The following ERG variants were observed in gnomAD, a reference collection of about 807,000 sequenced individuals.
ERG encodes transcriptional regulator ERG.
A neutral mutation model predicts 55.3 loss-of-function variants in ERG; 9 were observed. That is an observed-to-expected ratio of 0.16 (90% CI 0.10 to 0.28). The LOEUF (loss-of-function observed/expected upper bound fraction) is 0.28. ERG is among the 10% of genes least tolerant of loss of function. The pLI, the probability that ERG is intolerant of heterozygous loss-of-function variation, is 1.00. For synonymous variants in ERG, 223 were observed against 237.3 expected, an observed-to-expected ratio of 0.94 and a Z score of 0.55; for missense variants, 434 against 631.6, an observed-to-expected ratio of 0.69 and a Z score of 3.35.
chr21:38,580,744 C>A (rs918217831), intron 1 of ERG, among the ~76,000 whole-genome samples: 1 of 152,126 alleles, frequency 6.6e-6, no homozygotes, highest in Non-Finnish European at 1.5e-5. Context: ...ATTTGAATTA[C>A]GTAAGCTCTA....
intron 1 of ERG, among the ~76,000 whole-genome samples, chr21:38,581,436 T>C (rs1179762330): frequency 6.6e-6 from 1 of 152,218 alleles, no homozygotes; most frequent in Non-Finnish European, 1.5e-5. Flanking sequence ...CCTAAAACTC[T>C]GGGAATTTCC....
intron 1 of ERG, among the ~76,000 whole-genome samples, chr21:38,635,634 T>A (rs138395047): frequency 1.8e-3 from 281 of 152,318 alleles, no homozygotes; most frequent in African/African-American, 5.2e-3. Flanking sequence ...GGATTCAATG[T>A]GATATTTTTA....
At chr21:38,457,170 C>T (rs1484135228) in intron 1 of ERG, among the ~76,000 whole-genome samples, 1 of 152,212 alleles carries the variant, frequency 6.6e-6, no homozygotes, top group Non-Finnish European at 1.5e-5. Flanking sequence ...GGCGGGGTGG[C>T]TCACACCTGT....
intron 4 of ERG, 50 bp from the exon 5 acceptor site, chr21:38,402,687 G>T: frequency 1.5e-6 from 1 of 663,520 alleles, no homozygotes; most frequent in Non-Finnish European, 2.2e-6. Flanking sequence ...AAAAGAGAGA[G>T]AGAGAAAGAG....
At chr21:38,621,745 C>A (rs756247623) in intron 1 of ERG, among the ~76,000 whole-genome samples, 1 of 152,172 alleles carries the variant, frequency 6.6e-6, no homozygotes, top group Non-Finnish European at 1.5e-5. Flanking sequence ...GGCCACCAAG[C>A]CTAAGAGAGT....
intron 2 of ERG, among the ~76,000 whole-genome samples, chr21:38,444,546 CA>C (rs1307136013): frequency 6.6e-6 from 1 of 152,084 alleles, no homozygotes; most frequent in Non-Finnish European, 1.5e-5. Flanking sequence ...GGTATTAGAT[CA>C]TAATTGAAAT....
chr21:38,454,535 A>C (rs191772904), intron 1 of ERG, among the ~76,000 whole-genome samples: 333 of 152,248 alleles, frequency 2.2e-3, no homozygotes, highest in African/African-American at 7.7e-3. Context: ...AATTTCTTCA[A>C]CTATAAAGGT....
chr21:38,385,567 A>C (rs568370898), intron 9 of ERG, among the ~76,000 whole-genome samples: 196 of 152,358 alleles, frequency 1.3e-3, no homozygotes, highest in African/African-American at 4.6e-3. Context: ...TATCCATACA[A>C]TAGCACTGTG....
At chr21:38,615,322 C>A (rs1397537585) in intron 1 of ERG, among the ~76,000 whole-genome samples, 1 of 152,152 alleles carries the variant, frequency 6.6e-6, no homozygotes, top group African/African-American at 2.4e-5. Context: ...GCGGAATTAC[C>A]TCACTGAATA....
intron 1 of ERG, chr21:38,471,783 A>G (rs1351743787): frequency 3.3e-5 from 5 of 152,214 alleles, no homozygotes; most frequent in Non-Finnish European, 7.3e-5. Flanking sequence ...AGTCACATCT[A>G]TTTGTTAATA....
At position 38,577,866 on chromosome 21, in the gene ERG, T is replaced by G. The variant is rs148289301; in HGVS notation, c.-126-2119A>C. Among the ~76,000 whole-genome samples, 69 of 152,294 alleles carry G rather than the reference T, an allele frequency of 4.5e-4. No individual in the cohort carries two copies. In the East Asian group the frequency reaches 0.012, roughly 26 times the overall value. ...CCTGCCTGCACACACATGCTGACGCTCACACCAGGGACTGAAGCTCGTCCC... is the reference window on the plus strand; with the variant it reads ...CCTGCCTGCACACACATGCTGACGCGCACACCAGGGACTGAAGCTCGTCCC... On this transcript the variant is annotated intron_variant, in intron 1 of 8. Coordinates refer to the ERG transcript ENST00000398897.
In ERG at chr21:38,653,484, C is replaced by T. The variant is rs73446336; in HGVS notation, c.-150+8174G>A. On this transcript the variant is annotated intron_variant, in intron 1 of 10. Coordinates refer to the ERG transcript ENST00000398910. ...TCCACTTGTCCTGTATTAATTTCCA[C>T]CTGTAGGTATTTATCCTAAGGACAC... 5.4e-3 allele frequency among the ~76,000 whole-genome samples: 817 copies of T among 152,276 alleles called. 13 individuals carry two copies. Among genetic ancestry groups the T allele is most frequent in the African/African-American group, 0.018 (736 of 41,542 alleles).
chr21:38,478,239 CT>C (rs1569130598), intron 1 of ERG, among the ~76,000 whole-genome samples: 2 of 152,212 alleles, frequency 1.3e-5, no homozygotes, highest in Non-Finnish European at 2.9e-5. Context: ...GGCAACAGGT[CT>C]TGTTTTCATG....
At chr21:38,635,753 C>T (rs1295759751) in intron 1 of ERG, among the ~76,000 whole-genome samples, 5 of 152,170 alleles carry the variant, frequency 3.3e-5, no homozygotes, top group Admixed American at 3.3e-4. Context: ...GGGCCATTGA[C>T]ATTTGAGGTC....
At chr21:38,496,821 T>C (rs1034972253) in intron 1 of ERG, among the ~76,000 whole-genome samples, 6 of 152,222 alleles carry the variant, frequency 3.9e-5, no homozygotes, top group Non-Finnish European at 5.9e-5. Flanking sequence ...TGGTCTGTTA[T>C]TTCAATGTCC....
intron 1 of ERG, among the ~76,000 whole-genome samples, chr21:38,600,836 C>T (rs1403492724): frequency 6.6e-6 from 1 of 152,082 alleles, no homozygotes; most frequent in Non-Finnish European, 1.5e-5. Flanking sequence ...TCTATAAGAG[C>T]CACAGAGACA....
At chr21:38,391,783 G>A (rs2146429782) in intron 7 of ERG, 68 bp from the exon 8 acceptor site, 2 of 1,237,236 alleles carry the variant, frequency 1.6e-6, no homozygotes. Flanking sequence ...TGATGTTGTT[G>A]CATAATCATT....
chr21:38,533,253 A>G (rs2059685384), intron 2 of ERG, among the ~76,000 whole-genome samples: 1 of 151,958 alleles, frequency 6.6e-6, no homozygotes, highest in Non-Finnish European at 1.5e-5. Context: ...TTCTTACCAT[A>G]GAATTCCAGA....
chr21:38,601,459 A>G (rs1212877150), intron 1 of ERG, among the ~76,000 whole-genome samples: 1 of 152,234 alleles, frequency 6.6e-6, no homozygotes, highest in African/African-American at 2.4e-5. Context: ...ATAGAAAAAT[A>G]GAGAGATAAA....
Sources: allele counts gnomAD v4.1 joint callset (sites outside exome capture counted in the v4.1 genomes callset), GRCh38; gene constraint gnomAD v4.1.1; transcripts MANE v1.5; gene names NCBI Gene and HGNC (gene_info 2026-07-23, HGNC 2026-07-21).